KRABD3: variants seen among roughly 807,000 people sequenced by gnomAD.
The protein encoded by KRABD3 is KRAB domain containing 3.
At chr7:149,721,437 G>A in the KRABD3 span, 1 of 1,612,308 alleles carries the variant, frequency 6.2e-7, no homozygotes, top group East Asian at 2.2e-5. Context: ...CTTCCAGACG[G>A]CCCTACCAGC....
chr7:149,719,795 C>T, the KRABD3 span: 57 of 1,276,048 alleles, frequency 4.5e-5, no homozygotes, highest in East Asian at 9.9e-4. The surrounding 1 kb of genome is among the most constrained non-coding windows in gnomAD (Gnocchi z 5.6). Context: ...GGATCGTTCA[C>T]GCTGCTGCTA....
the KRABD3 span, chr7:149,733,693 G>A: frequency 5.1e-6 from 8 of 1,582,590 alleles, no homozygotes; most frequent in South Asian, 2.3e-5. Flanking sequence ...GGGCACGTCC[G>A]CTGCCTCCAG....
the KRABD3 span, chr7:149,733,954 G>T: frequency 5.6e-6 from 9 of 1,602,236 alleles, no homozygotes; most frequent in South Asian, 7.9e-5. Context: ...AGCGGCCCAA[G>T]GAGCCGAGCA....
At chr7:149,723,427 A>T in the KRABD3 span, 5 of 371,684 alleles carry the variant, frequency 1.3e-5, no homozygotes, top group African/African-American at 8.2e-5. Flanking sequence ...CATTTTCCTC[A>T]AATGTAAGTT....
At chr7:149,733,349 C>T in the KRABD3 span, 17 of 1,612,238 alleles carry the variant, frequency 1.1e-5, no homozygotes, top group Non-Finnish European at 1.4e-5. Context: ...TGGGAAGCCC[C>T]TGCAGCAGGA....
the KRABD3 span, chr7:149,721,903 G>C: frequency 2.3e-6 from 1 of 428,564 alleles, no homozygotes; most frequent in Non-Finnish European, 4.4e-6. Context: ...CCTAACTGCA[G>C]AGCAGGGCAA....
At chr7:149,722,870 C>T in the KRABD3 span, 2 of 1,613,570 alleles carry the variant, frequency 1.2e-6, no homozygotes, top group African/African-American at 2.7e-5. Flanking sequence ...CCCGAGACAT[C>T]CCCAAGCTTC....
the KRABD3 span, among the ~76,000 whole-genome samples, chr7:149,718,268 C>T: frequency 1.3e-5 from 2 of 152,086 alleles, no homozygotes; most frequent in Admixed American, 6.5e-5. Context: ...AAATAACTGC[C>T]CTGAGCAGAT....
chr7:149,733,340 G>A, the KRABD3 span: 1 of 1,612,366 alleles, frequency 6.2e-7, no homozygotes, highest in Non-Finnish European at 8.5e-7. Context: ...ATGCCACTGT[G>A]GGAAGCCCCT....
chr7:149,724,502 G>T, the KRABD3 span: 5 of 522,558 alleles, frequency 9.6e-6, no homozygotes, highest in Non-Finnish European at 1.3e-5. Flanking sequence ...GTCTCTGCTG[G>T]TGATTGACAA....
chr7:149,720,010 A>T, the KRABD3 span: 1 of 1,543,250 alleles, frequency 6.5e-7, no homozygotes, highest in Non-Finnish European at 8.7e-7. Context: ...TTTCCCAGGG[A>T]CAGCTGAGCT....
At chr7:149,723,716 A>G in the KRABD3 span, 4 of 1,540,648 alleles carry the variant, frequency 2.6e-6, no homozygotes, top group South Asian at 2.3e-5. Flanking sequence ...AGGTGAAAAC[A>G]TGTTCCTTTT....
chr7:149,720,697 T>C, the KRABD3 span: 1 of 911,066 alleles, frequency 1.1e-6, no homozygotes, highest in South Asian at 1.7e-5. Context: ...CTATATCTCA[T>C]GGGACATGGT....
chr7:149,717,669 G>A, the KRABD3 span, among the ~76,000 whole-genome samples: 10 of 152,294 alleles, frequency 6.6e-5, no homozygotes, highest in South Asian at 6.2e-4. Context: ...AGGCAGTCAC[G>A]GGAGGGGCTG....
At chr7:149,733,892 A>C in the KRABD3 span, 1 of 1,591,762 alleles carries the variant, frequency 6.3e-7, no homozygotes, top group Non-Finnish European at 8.5e-7. Flanking sequence ...TCCTGCAGCC[A>C]GTGCAGATGC....
At chr7:149,733,615 C>A in the KRABD3 span, 1 of 1,594,094 alleles carries the variant, frequency 6.3e-7, no homozygotes, top group Admixed American at 1.7e-5. Context: ...AACCAAAGAT[C>A]CTGCGTGGCC....
At chr7:149,720,348 A>G in the KRABD3 span, among the ~76,000 whole-genome samples, 12 of 152,288 alleles carry the variant, frequency 7.9e-5, no homozygotes, top group South Asian at 2.5e-3. Context: ...CTCCTGCCTC[A>G]GGCCCCCCAC....
chr7:149,723,946 C>T, the KRABD3 span: 2 of 1,573,488 alleles, frequency 1.3e-6, no homozygotes, highest in South Asian at 1.1e-5. Context: ...TACCCTGCCC[C>T]AGGCAGGGCT....
At chr7:149,720,549 C>T in the KRABD3 span, among the ~76,000 whole-genome samples, 5 of 152,228 alleles carry the variant, frequency 3.3e-5, no homozygotes, top group Non-Finnish European at 5.9e-5. Flanking sequence ...AGAAGTGTAG[C>T]GGCAGCCCGC....
Sources: allele counts gnomAD v4.1 joint callset (sites outside exome capture counted in the v4.1 genomes callset), GRCh38; gene constraint gnomAD v4.1.1; non-coding constraint Gnocchi (gnomAD v3.1); transcripts MANE v1.5; gene names NCBI Gene and HGNC (gene_info 2026-07-23, HGNC 2026-07-21).